The following SCN9A variants were observed in gnomAD, a reference collection of about 807,000 sequenced individuals.
SCN9A encodes sodium channel protein type 9 subunit alpha.
Under a neutral mutation model 187.0 loss-of-function variants are expected in SCN9A, and 131 were observed. The ratio of observed to expected loss-of-function variants is 0.70; its 90% CI spans 0.61 to 0.81. The LOEUF (loss-of-function observed/expected upper bound fraction) is 0.81, where lower values mean the gene tolerates loss of function less well. Ranked by LOEUF, SCN9A falls within the 30% of genes least tolerant of loss-of-function variation. The pLI is 0.00. For missense variants in SCN9A, 2,252 were observed against 2,396.6 expected, an observed-to-expected ratio of 0.94 and a Z score of 1.26; for synonymous variants, 809 against 808.6, an observed-to-expected ratio of 1.00 and a Z score of -0.01.
chr2:166,250,424 T>C (rs1394181112), intron 18 of SCN9A, among the ~76,000 whole-genome samples: 2 of 152,148 alleles, frequency 1.3e-5, no homozygotes, highest in African/African-American at 2.4e-5. Flanking sequence ...TTAGCATCGC[T>C]GTGATGTGGA....
chr2:166,361,400 T>C (rs1030757605), intron 1 of SCN9A, among the ~76,000 whole-genome samples: 2 of 152,128 alleles, frequency 1.3e-5, no homozygotes, highest in African/African-American at 4.8e-5. Context: ...TGTATGCTTA[T>C]AGCAAAACCA....
rs1216249085 is a variant in SCN9A at position 166,252,157 on chromosome 2, T to C, written c.3352-272A>G. Reference sequence around the variant, plus strand: ...ACGTGGCCAAAATTAGATAAGGTAATATATTGATGTTAACTATCACTTTTG... The same window carrying C: ...ACGTGGCCAAAATTAGATAAGGTAACATATTGATGTTAACTATCACTTTTG... On this transcript the variant is annotated intron_variant, in intron 17 of 26. Transcript: ENST00000642356. Among the ~76,000 whole-genome samples, 4 of 152,110 alleles carry C rather than the reference T, an allele frequency of 2.6e-5. No individual in the cohort carries two copies. The South Asian group carries it at 6.2e-4, about 24-fold the overall frequency.
At chr2:166,269,097 T>A (rs2106454350) in intron 17 of SCN9A, among the ~76,000 whole-genome samples, 1 of 152,032 alleles carries the variant, frequency 6.6e-6, no homozygotes, top group East Asian at 1.9e-4. Context: ...CACTCTTTTA[T>A]CATATAGATA....
chr2:166,250,304 A>G (rs79436627), intron 18 of SCN9A, among the ~76,000 whole-genome samples: 5 of 152,166 alleles, frequency 3.3e-5, no homozygotes, highest in Non-Finnish European at 7.4e-5. Flanking sequence ...CTGTGCTATC[A>G]TAACTTCTGT....
chr2:166,310,546 A>T (rs1405011812), intron 2 of SCN9A, among the ~76,000 whole-genome samples: 4 of 90,240 alleles, frequency 4.4e-5, no homozygotes, highest in African/African-American at 1.8e-4. Context: ...TCAAAACCAC[A>T]ATGAGATACC....
intron 24 of SCN9A, among the ~76,000 whole-genome samples, chr2:166,210,519 C>CAAAAAA (rs34448541): frequency 1.0e-5 from 1 of 96,378 alleles, no homozygotes; most frequent in Admixed American, 1.1e-4. Flanking sequence ...AGATGGACAC[C>CAAAAAA]AAAAAAAAAA....
intron 2 of SCN9A, among the ~76,000 whole-genome samples, chr2:166,309,537 T>C (rs1332557542): frequency 2.0e-5 from 3 of 152,036 alleles, no homozygotes; most frequent in African/African-American, 7.3e-5. Flanking sequence ...GGAATCCAAC[T>C]TACAAGGGAT....
chr2:166,323,656 C>T (rs1412902478), intron 1 of SCN9A, among the ~76,000 whole-genome samples: 1 of 152,030 alleles, frequency 6.6e-6, no homozygotes, highest in Non-Finnish European at 1.5e-5. Context: ...ACTAAATACT[C>T]CAAACTGCAG....
chr2:166,247,157 C>CAA (rs35833662), intron 18 of SCN9A, among the ~76,000 whole-genome samples: 2,835 of 40,014 alleles, frequency 0.071, 77 homozygotes, highest in Non-Finnish European at 0.072. Context: ...CCAAAGCTCT[C>CAA]AAAAAAAAAA....
chr2:166,349,407 C>A (rs938295565), intron 1 of SCN9A, among the ~76,000 whole-genome samples: 4 of 152,070 alleles, frequency 2.6e-5, no homozygotes, highest in African/African-American at 9.7e-5. Flanking sequence ...GTAATGAGTT[C>A]TTTTTACTGT....
At chr2:166,202,603 A>C (rs1468088882) in intron 26 of SCN9A, among the ~76,000 whole-genome samples, 1 of 151,810 alleles carries the variant, frequency 6.6e-6, no homozygotes, top group African/African-American at 2.4e-5. Context: ...GAAAGTCTTA[A>C]TTACAATGAG....
intron 22 of SCN9A, among the ~76,000 whole-genome samples, chr2:166,228,032 T>G (rs1694914062): frequency 6.6e-6 from 1 of 152,052 alleles, no homozygotes; most frequent in African/African-American, 2.4e-5. Context: ...TTTTCTCCAT[T>G]TTTTAAAGGG....
In SCN9A at chr2:166,311,583, C is replaced by T. The variant is rs6432901; in HGVS notation, c.174G>A (p.Gln58=). The T allele has an allele frequency of 0.62, 999,246 of 1,612,054 alleles. 313,422 individuals carry two copies. The highest frequency in any genetic ancestry group is 0.75 in the African/African-American group (55,697 of 74,488). ...GAATGTCCCCATAGATGAAGGGCAG[C>T]TGTTTGCCAGCTTCCAAGTCACTGC... The part of the protein sequence containing the change: ...KPSSDLEAGK[Q]LPFIYGDIPP... The change falls in exon 2 of 27, where the codon CAG becomes CAA. Residue 58 remains glutamine, a synonymous_variant. Coordinates refer to ENST00000642356, the MANE Select transcript of SCN9A (RefSeq NM_001365536.1).
chr2:166,269,741 T>C (rs1360852872), intron 17 of SCN9A, among the ~76,000 whole-genome samples: 1 of 151,966 alleles, frequency 6.6e-6, no homozygotes, highest in South Asian at 2.1e-4. Flanking sequence ...CCATGAAAGG[T>C]CAGCCATTGA....
At position 166,359,467 on chromosome 2, in the gene SCN9A, A is replaced by G. The variant is rs181423521; in HGVS notation, c.-51+16230T>C. Among the ~76,000 whole-genome samples the G allele has an allele frequency of 3.6e-3, 549 of 152,284 alleles. 5 individuals are homozygous for G. Among genetic ancestry groups the G allele is most frequent in the Non-Finnish European group, 2.3e-3 (159 of 68,000 alleles). On this transcript the variant is annotated intron_variant, in intron 1 of 26. Transcript: ENST00000642356. ...TGTATCAATATATATGAAATCAAAT[A>G]CAATATATATGAAACCAAATACTTT...
At position 166,288,396 on chromosome 2, in the gene SCN9A, AT is replaced by A. The variant is rs1559014647; in HGVS notation, c.1314+40del. 2.0e-6 allele frequency: 3 copies of A among 1,537,108 alleles called. No individual in the cohort carries two copies. The African/African-American group carries it at 4.1e-5, about 21-fold the overall frequency. On this transcript the variant is annotated intron_variant, in intron 10 of 26. Transcript: ENST00000642356. ...CAGAGCCTCTGTTGTAACCGTTTGCATTTCTACCTCTAGGAAGAATTTTAAA... is the reference window on the plus strand; with the variant it reads ...CAGAGCCTCTGTTGTAACCGTTTGCATTCTACCTCTAGGAAGAATTTTAAA...
intron 1 of SCN9A, among the ~76,000 whole-genome samples, chr2:166,318,214 C>T (rs1352804752): frequency 6.6e-6 from 1 of 151,996 alleles, no homozygotes; most frequent in African/African-American, 2.4e-5. Context: ...GGAAAGGTGA[C>T]TCCCTTATCT....
At chr2:166,372,672 C>T (rs778267601) in intron 1 of SCN9A, among the ~76,000 whole-genome samples, 3 of 152,062 alleles carry the variant, frequency 2.0e-5, no homozygotes, top group Non-Finnish European at 2.9e-5. Context: ...TTTACCTCCT[C>T]AATATCATAC....
chr2:166,354,947 A>AT lies in SCN9A; in HGVS notation c.-51+20749dup, dbSNP rs953860333. On this transcript the variant is annotated intron_variant, in intron 1 of 26. Transcript: ENST00000642356. ...TTAACCTATTCCAAGAAAATTACTG[A>AT]TTTTTTTTTTTAAAGAGACAATGTC... Among the ~76,000 whole-genome samples, 216 of 149,136 alleles carry AT rather than the reference A, an allele frequency of 1.4e-3. 1 individual carries two copies. The highest frequency in any genetic ancestry group is 3.4e-3 in the Middle Eastern group (1 of 290).
Sources: allele counts gnomAD v4.1 joint callset (sites outside exome capture counted in the v4.1 genomes callset), GRCh38; gene constraint gnomAD v4.1.1; transcripts MANE v1.5; gene names NCBI Gene and HGNC (gene_info 2026-07-23, HGNC 2026-07-21).